THSD7B: variants seen among roughly 807,000 people sequenced by gnomAD.
The protein encoded by THSD7B is thrombospondin type 1 domain containing 7B.
A neutral mutation model predicts 213.6 loss-of-function variants in THSD7B; 138 were observed. That is an observed-to-expected ratio of 0.65 (90% CI 0.56 to 0.74). The LOEUF is 0.74. THSD7B is among the 30% of genes least tolerant of loss of function. THSD7B has a pLI of 0.00. For missense variants in THSD7B, 1,931 were observed against 1,991.5 expected (o/e 0.97, Z 0.58); for synonymous variants, 742 against 687.0 (o/e 1.08, Z -1.25).
At chr2:136,943,083 G>A (rs1040219948) in intron 2 of THSD7B, among the ~76,000 whole-genome samples, 1 of 152,148 alleles carries the variant, frequency 6.6e-6, no homozygotes, top group African/African-American at 2.4e-5. Context: ...TTTGTCAAAG[G>A]CCTTTTCTGC....
At chr2:137,528,599 A>G (rs1014765613) in intron 15 of THSD7B, among the ~76,000 whole-genome samples, 4 of 152,018 alleles carry the variant, frequency 2.6e-5, no homozygotes, top group African/African-American at 9.7e-5. Flanking sequence ...TAAAACTGAC[A>G]TTCCTTGCCT....
intron 10 of THSD7B, among the ~76,000 whole-genome samples, chr2:137,252,464 GC>G (rs1682206847): frequency 6.6e-6 from 1 of 151,964 alleles, no homozygotes; most frequent in Non-Finnish European, 1.5e-5. Flanking sequence ...ACCAGGCCTG[GC>G]CCTTTATTTA....
At chr2:137,607,232 T>C (rs1396336162) in intron 17 of THSD7B, among the ~76,000 whole-genome samples, 1 of 149,270 alleles carries the variant, frequency 6.7e-6, no homozygotes, top group African/African-American at 2.5e-5. Context: ...TTGCATGAAA[T>C]TTGCACCACC....
chr2:137,579,244 G>A (rs141078705), intron 17 of THSD7B, among the ~76,000 whole-genome samples: 122 of 152,134 alleles, frequency 8.0e-4, no homozygotes, highest in African/African-American at 2.8e-3. Context: ...ACAGTTAAAG[G>A]CCCAAGTAGA....
In THSD7B at chr2:136,801,147, C is replaced by T. The variant is rs554716986; in HGVS notation, c.-36+35460C>T. Among the ~76,000 whole-genome samples the T allele has an allele frequency of 5.3e-5, 8 of 152,114 alleles. No homozygotes were observed. In the South Asian group the frequency reaches 6.2e-4, roughly 12 times the overall value. ...ACCTGGAAGACAGAGATATTTACTC[C>T]GACAAATGATGTAACTTGCAGCATA... is the stretch of plus-strand genomic sequence containing the variant. On this transcript the variant is annotated intron_variant, in intron 1 of 27. Transcript: ENST00000409968.
chr2:137,031,324 G>A (rs760733650), intron 2 of THSD7B, among the ~76,000 whole-genome samples: 9 of 152,142 alleles, frequency 5.9e-5, no homozygotes, highest in South Asian at 2.1e-4. Flanking sequence ...TAGCCTGGGC[G>A]ACAGAGTGAG....
intron 17 of THSD7B, among the ~76,000 whole-genome samples, chr2:137,612,955 T>C (rs2104834880): frequency 6.6e-6 from 1 of 152,292 alleles, no homozygotes; most frequent in South Asian, 2.1e-4. Flanking sequence ...CCTTCCCAGC[T>C]ACTTGGAAGG....
intron 2 of THSD7B, among the ~76,000 whole-genome samples, chr2:137,006,051 A>G (rs1056294165): frequency 1.8e-4 from 27 of 152,192 alleles, no homozygotes; most frequent in African/African-American, 6.3e-4. Context: ...AGCAATAAGA[A>G]CTACCTCAAA....
chr2:136,932,057 C>A (rs561446107), intron 2 of THSD7B, among the ~76,000 whole-genome samples: 22 of 152,166 alleles, frequency 1.4e-4, no homozygotes, highest in African/African-American at 5.1e-4. Flanking sequence ...TGGTGGCTTT[C>A]CTTTTTCTTG....
At chr2:137,060,513 T>A (rs1024074795) in intron 3 of THSD7B, among the ~76,000 whole-genome samples, 2 of 151,976 alleles carry the variant, frequency 1.3e-5, no homozygotes, top group African/African-American at 4.8e-5. Context: ...AGGTCTATCA[T>A]TCATTTTGAG....
intron 2 of THSD7B, among the ~76,000 whole-genome samples, chr2:137,049,581 A>G (rs1452984828): frequency 6.6e-6 from 1 of 151,790 alleles, no homozygotes; most frequent in East Asian, 1.9e-4. Flanking sequence ...TTGTTATTCT[A>G]GGGACACATA....
intron 2 of THSD7B, among the ~76,000 whole-genome samples, chr2:137,021,458 A>T (rs1686444470): frequency 6.6e-6 from 1 of 152,176 alleles, no homozygotes; most frequent in Non-Finnish European, 1.5e-5. Context: ...TTTAATTTAC[A>T]CTTAAAAACT....
At chr2:136,836,084 A>G (rs1455834072) in intron 1 of THSD7B, among the ~76,000 whole-genome samples, 1 of 152,216 alleles carries the variant, frequency 6.6e-6, no homozygotes, top group Admixed American at 6.5e-5. Flanking sequence ...CAAATATGAA[A>G]TTAAAGAATT....
intron 3 of THSD7B, among the ~76,000 whole-genome samples, chr2:137,076,034 G>T (rs972700502): frequency 6.6e-6 from 1 of 152,204 alleles, no homozygotes; most frequent in African/African-American, 2.4e-5. Context: ...TCGGGGGTCA[G>T]GGACCCACTT....
At chr2:137,122,771 A>C in intron 5 of THSD7B, among the ~76,000 whole-genome samples, 1 of 151,728 alleles carries the variant, frequency 6.6e-6, no homozygotes, top group Non-Finnish European at 1.5e-5. Flanking sequence ...AGTCTCCCTT[A>C]TTTTCCTCCC....
intron 4 of THSD7B, among the ~76,000 whole-genome samples, chr2:137,105,337 C>A (rs1174756888): frequency 1.3e-5 from 2 of 151,948 alleles, no homozygotes; most frequent in Admixed American, 1.3e-4. Context: ...CGCAGAAAAG[C>A]CCTTCAATAA....
chr2:136,975,046 T>G (rs1045568292), intron 2 of THSD7B, among the ~76,000 whole-genome samples: 8 of 37,834 alleles, frequency 2.1e-4, no homozygotes, highest in African/African-American at 1.1e-3. Flanking sequence ...AATGGTTTGT[T>G]TTTTTTTTTT....
intron 15 of THSD7B, among the ~76,000 whole-genome samples, chr2:137,484,233 A>G (rs1410496621): frequency 6.9e-6 from 1 of 143,890 alleles, no homozygotes; most frequent in Non-Finnish European, 1.5e-5. Flanking sequence ...ATGTGTTCTT[A>G]TTGTTCAATT....
At chr2:136,951,043 C>T (rs1685029723) in intron 2 of THSD7B, among the ~76,000 whole-genome samples, 1 of 152,068 alleles carries the variant, frequency 6.6e-6, no homozygotes, top group Non-Finnish European at 1.5e-5. Context: ...GAAAGGCTTC[C>T]ACCATTGATT....
Sources: allele counts gnomAD v4.1 joint callset (sites outside exome capture counted in the v4.1 genomes callset), GRCh38; gene constraint gnomAD v4.1.1; transcripts MANE v1.5; gene names NCBI Gene and HGNC (gene_info 2026-07-23, HGNC 2026-07-21).